The following IL1RAPL1 variants were observed in gnomAD, a reference collection of about 807,000 sequenced individuals.
IL1RAPL1 encodes the protein interleukin-1 receptor accessory protein-like 1.
A neutral mutation model predicts 48.4 loss-of-function variants in IL1RAPL1; 3 were observed. The observed-to-expected ratio is 0.06, with a 90% CI of 0.03 to 0.16. The LOEUF is 0.16. IL1RAPL1 is among the 10% of genes least tolerant of loss of function. The pLI is 1.00. For missense variants in IL1RAPL1, 349 were observed against 530.6 expected (o/e 0.66, Z 3.36); for synonymous variants, 185 against 187.7 (o/e 0.99, Z 0.12).
chrX:29,503,537 T>G (rs2147761479), intron 5 of IL1RAPL1, among the ~76,000 whole-genome samples: 1 of 112,538 alleles, frequency 8.9e-6, no homozygotes, highest in East Asian at 2.8e-4. Flanking sequence ...GCATAGATTT[T>G]GGTGTTGTAT....
At chrX:28,882,768 G>A (rs2147314749) in intron 2 of IL1RAPL1, among the ~76,000 whole-genome samples, 1 of 112,124 alleles carries the variant, frequency 8.9e-6, no homozygotes, top group African/African-American at 3.2e-5. Flanking sequence ...AAGTTGAAAT[G>A]AAAGGATGCT....
At chrX:29,926,627 A>G (rs1024357135) in intron 8 of IL1RAPL1, among the ~76,000 whole-genome samples, 7 of 112,121 alleles carry the variant, frequency 6.2e-5, no homozygotes, top group African/African-American at 2.3e-4. Flanking sequence ...CTTTGTCTAT[A>G]GCAGGATTTC....
intron 2 of IL1RAPL1, among the ~76,000 whole-genome samples, chrX:28,968,593 A>C (rs1248951523): frequency 8.9e-6 from 1 of 112,796 alleles, no homozygotes; most frequent in Non-Finnish European, 1.9e-5. Context: ...GAAATTGTTA[A>C]TAAATCACAG....
intron 1 of IL1RAPL1, among the ~76,000 whole-genome samples, chrX:28,766,807 C>T (rs1329699581): frequency 8.9e-6 from 1 of 111,742 alleles, no homozygotes; most frequent in Non-Finnish European, 1.9e-5. Context: ...TCTTTCTGTG[C>T]CTGGCTTATT....
At chrX:29,515,677 G>A (rs1017603402) in intron 5 of IL1RAPL1, among the ~76,000 whole-genome samples, 14 of 111,516 alleles carry the variant, frequency 1.3e-4, no homozygotes, top group African/African-American at 3.9e-4. Flanking sequence ...CAATTTTTGA[G>A]TGTTACAAAT....
intron 2 of IL1RAPL1, among the ~76,000 whole-genome samples, chrX:28,878,289 T>C (rs1394365137): frequency 8.9e-6 from 1 of 111,740 alleles, no homozygotes; most frequent in Non-Finnish European, 1.9e-5. Context: ...GTCACTGATA[T>C]TTTGGTTTAT....
chrX:29,154,233 G>T lies in IL1RAPL1; in HGVS notation c.83-128705G>T, dbSNP rs1283150281. On this transcript the variant is annotated intron_variant, in intron 2 of 10. Coordinates refer to ENST00000378993, the MANE Select transcript of IL1RAPL1 (RefSeq NM_014271.4). ...GGCCAGTTGGTATCTTCTTAACCCA[G>T]TTGTGCATTTTAAAATATTTTGTGG... 2.7e-5 allele frequency among the ~76,000 whole-genome samples: 3 copies of T among 111,542 alleles called. No homozygotes were observed. The East Asian group carries it at 8.4e-4, about 31-fold the overall frequency.
At chrX:29,114,984 A>G (rs1928649627) in intron 2 of IL1RAPL1, among the ~76,000 whole-genome samples, 1 of 111,651 alleles carries the variant, frequency 9.0e-6, no homozygotes, top group South Asian at 3.7e-4. Flanking sequence ...TTTCTACTAT[A>G]AATATTACGA....
At chrX:28,972,272 A>G (rs1025487710) in intron 2 of IL1RAPL1, among the ~76,000 whole-genome samples, 1 of 111,778 alleles carries the variant, frequency 8.9e-6, no homozygotes, top group African/African-American at 3.3e-5. Flanking sequence ...ATCATTTATT[A>G]AGAAACTTAC....
rs751731634 is a variant in IL1RAPL1, at chrX:29,911,852, C to T, written c.779-5612C>T. Among the ~76,000 whole-genome samples, 5 of 111,630 alleles carry T rather than the reference C, an allele frequency of 4.5e-5. No individual in the cohort carries two copies. The South Asian group carries it at 1.9e-3, about 42-fold the overall frequency. On this transcript the variant is annotated intron_variant, in intron 6 of 10. Coordinates refer to ENST00000378993, the MANE Select transcript of IL1RAPL1 (RefSeq NM_014271.4). ...TCATAGCCTGATTTGTAGCATTTGCCAATGTATGGAGTAAATACTCCCCCT... is the reference window on the plus strand; with the variant it reads ...TCATAGCCTGATTTGTAGCATTTGCTAATGTATGGAGTAAATACTCCCCCT...
intron 6 of IL1RAPL1, among the ~76,000 whole-genome samples, chrX:29,811,404 G>A (rs1930378620): frequency 9.1e-6 from 1 of 109,830 alleles, no homozygotes; most frequent in Admixed American, 9.8e-5. Context: ...GGAGAAGGAT[G>A]TGGGCTGGGA....
At chrX:29,116,677 G>A (rs1190578036) in intron 2 of IL1RAPL1, among the ~76,000 whole-genome samples, 2 of 111,617 alleles carry the variant, frequency 1.8e-5, no homozygotes, top group East Asian at 5.6e-4. Flanking sequence ...ATACAATAGG[G>A]TACTTGAGAG....
At chrX:29,209,989 A>G (rs1930740114) in intron 2 of IL1RAPL1, among the ~76,000 whole-genome samples, 1 of 111,847 alleles carries the variant, frequency 8.9e-6, no homozygotes, top group African/African-American at 3.2e-5. Flanking sequence ...TATAAATCCT[A>G]GGAATTATTA....
At chrX:28,790,467 G>T (rs1202405528) in intron 2 of IL1RAPL1, among the ~76,000 whole-genome samples, 1 of 112,808 alleles carries the variant, frequency 8.9e-6, no homozygotes, top group Admixed American at 9.4e-5. Context: ...GGGAAATAGG[G>T]AGCAGCTCTG....
intron 2 of IL1RAPL1, among the ~76,000 whole-genome samples, chrX:28,995,149 G>A (rs957722926): frequency 2.7e-5 from 3 of 110,650 alleles, no homozygotes; most frequent in Non-Finnish European, 5.7e-5. Flanking sequence ...CAAATGTAGG[G>A]GGCAATAATG....
At chrX:28,892,173 G>A (rs1385971508) in intron 2 of IL1RAPL1, among the ~76,000 whole-genome samples, 1 of 110,884 alleles carries the variant, frequency 9.0e-6, no homozygotes, top group Admixed American at 9.7e-5. Flanking sequence ...GAGCAATAAA[G>A]CTTTTTAATC....
chrX:29,840,180 A>G (rs1353789870), intron 6 of IL1RAPL1, among the ~76,000 whole-genome samples: 1 of 111,560 alleles, frequency 9.0e-6, no homozygotes. Flanking sequence ...TAATCAGAAA[A>G]GCCCGTAAAT....
In IL1RAPL1 at chrX:29,230,504, CAAAAAAAAAAAAAAAAAA is replaced by C. The variant is rs60539139; in HGVS notation, c.83-52420_83-52403del. On this transcript the variant is annotated intron_variant, in intron 2 of 10. Transcript: ENST00000378993. Reference sequence around the variant, plus strand: ...TGCTCTATCATTATGGTCCCTTTACCAAAAAAAAAAAAAAAAAAAAAAAAAAAAAAACCTTGTTGTCTC... The same window carrying C: ...TGCTCTATCATTATGGTCCCTTTACCAAAAAAAAAAAAACCTTGTTGTCTC... 2.4e-4 allele frequency among the ~76,000 whole-genome samples: 4 copies of C among 16,595 alleles called. No individual in the cohort carries two copies. The South Asian group carries it at 0.029, about 119-fold the overall frequency. 14.4% of individuals were successfully genotyped at this position (16,595 alleles called of 115,157 possible). A position where few individuals can be genotyped will look rare whatever the true frequency, so the allele number is the denominator to read the frequency against.
intron 6 of IL1RAPL1, among the ~76,000 whole-genome samples, chrX:29,828,980 G>T (rs1930804452): frequency 9.0e-6 from 1 of 110,784 alleles, no homozygotes; most frequent in Non-Finnish European, 1.9e-5. Context: ...GAGGCCTGCA[G>T]CACCCCAACA....
Sources: gnomAD v4.1 joint callset for allele counts (sites outside exome capture counted in the v4.1 genomes callset) on GRCh38, gnomAD v4.1.1 for gene constraint, MANE v1.5 for transcripts, NCBI Gene and HGNC (gene_info 2026-07-23, HGNC 2026-07-21) for gene names.